ZC3H4: variants seen among roughly 807,000 people sequenced by gnomAD.
ZC3H4 encodes the protein zinc finger CCCH domain-containing protein 4.
ZC3H4 carries 13 observed loss-of-function variants against 108.3 expected under a neutral mutation model. The ratio of observed to expected loss-of-function variants is 0.12; its 90% confidence interval spans 0.08 to 0.19. ZC3H4 has a LOEUF of 0.19. Ranked by LOEUF, ZC3H4 falls within the 10% of genes least tolerant of loss-of-function variation. The probability of loss-of-function intolerance (pLI) is 1.00; values close to 1 mark genes in which losing one functional copy is unlikely to be tolerated. For missense variants in ZC3H4, 1,734 were observed against 1,838.8 expected, an observed-to-expected ratio of 0.94 and a Z score of 1.04; for synonymous variants, 917 against 749.6, an observed-to-expected ratio of 1.22 and a Z score of -3.65.
In ZC3H4 at chr19:47,088,694, T is replaced by A. The variant is rs185633455; in HGVS notation, c.715+1273A>T. Among the ~76,000 whole-genome samples, 938 of 152,202 alleles carry A rather than the reference T, an allele frequency of 6.2e-3. 4 individuals carry two copies. Among genetic ancestry groups the A allele is most frequent in the Non-Finnish European group, 6.8e-3 (465 of 68,000 alleles). On this transcript the variant is annotated intron_variant, in intron 5 of 14. Transcript: ENST00000253048. ...AAAAGAGTGATGGGATCTCGCTGTG[T>A]TGCCCAGGCTGGCCTCCAACTCCCG... is the stretch of plus-strand genomic sequence containing the variant.
At chr19:47,110,057 G>C (rs1474215574) in intron 2 of ZC3H4, among the ~76,000 whole-genome samples, 1 of 152,182 alleles carries the variant, frequency 6.6e-6, no homozygotes. Flanking sequence ...CAAAGGAGCA[G>C]TGGAGACAGG....
At chr19:47,107,657 GAA>G (rs1157842797) in intron 2 of ZC3H4, among the ~76,000 whole-genome samples, 5 of 90,252 alleles carry the variant, frequency 5.5e-5, no homozygotes, top group Non-Finnish European at 4.9e-5. Context: ...GTTCTGTTAA[GAA>G]AAAAAAAAAA....
At chr19:47,102,623 A>C (rs2057917626) in intron 2 of ZC3H4, among the ~76,000 whole-genome samples, 1 of 152,194 alleles carries the variant, frequency 6.6e-6, no homozygotes, top group African/African-American at 2.4e-5. Flanking sequence ...ATAAATGCTT[A>C]GGAGTAAAAC....
intron 6 of ZC3H4, among the ~76,000 whole-genome samples, chr19:47,085,817 A>C (rs1030596451): frequency 1.3e-5 from 2 of 152,006 alleles, no homozygotes; most frequent in Non-Finnish European, 2.9e-5. Flanking sequence ...CTTTCAGGAA[A>C]CTTCTCTCTA....
intron 5 of ZC3H4, among the ~76,000 whole-genome samples, chr19:47,088,160 G>A (rs557226113): frequency 5.9e-5 from 9 of 151,860 alleles, no homozygotes; most frequent in African/African-American, 1.4e-4. Flanking sequence ...GCAACAGAGC[G>A]AGACTCCATC....
chr19:47,107,646 C>T (rs1487536330), intron 2 of ZC3H4, among the ~76,000 whole-genome samples: 1 of 148,606 alleles, frequency 6.7e-6, no homozygotes. Flanking sequence ...AATAATCCTG[C>T]GTTCTGTTAA....
chr19:47,072,521 G>T lies in ZC3H4; in HGVS notation c.1633C>A (p.Pro545Thr). 8.2e-7 allele frequency: 1 copy of T among 1,215,070 alleles called. No homozygotes were observed. The highest frequency in any genetic ancestry group is 1.1e-6 in the Non-Finnish European group (1 of 876,416). 75.3% of individuals were successfully genotyped at this position (1,215,070 alleles called of 1,614,324 possible). Reference protein sequence around the residue: ...RPMQGGPPPPPPPPPPPPGPP... With the variant: ...RPMQGGPPPPTPPPPPPPGPP... ...CCGGGCGGTGGGGGAGGGGGAGGGGGCGGGGGCGGGGGGCCACCCTGCATG... is the reference window on the plus strand; with the variant it reads ...CCGGGCGGTGGGGGAGGGGGAGGGGTCGGGGGCGGGGGGCCACCCTGCATG... The change falls in exon 12 of 15, where the codon CCC becomes ACC. Residue 545 changes from proline to threonine, a missense_variant. Pro to Thr is a conservative substitution (Grantham distance 38). Coordinates refer to ENST00000253048, the MANE Select transcript of ZC3H4 (RefSeq NM_015168.2). The surrounding 1 kb of genome is among the most constrained non-coding windows in gnomAD (Gnocchi z 5.6).
At chr19:47,092,079 C>T (rs530028684) in intron 4 of ZC3H4, among the ~76,000 whole-genome samples, 2 of 151,898 alleles carry the variant, frequency 1.3e-5, no homozygotes, top group South Asian at 2.1e-4. Context: ...GCGTTATGGC[C>T]CATGGTTCCA....
rs374142045 is a variant in ZC3H4, at chr19:47,086,552, C to G, written c.716-14G>C. On this transcript the variant is annotated splice_polypyrimidine_tract_variant and intron_variant, in intron 5 of 14. Transcript: ENST00000253048. ...GGCCTCGGCTGCCTGCATGGAGATT[C>G]AGATAGTGAGCCTCCAGCAGGAGCA... 4.1e-5 allele frequency: 64 copies of G among 1,570,074 alleles called. No individual in the cohort carries two copies. The highest frequency in any genetic ancestry group is 1.8e-4 in the Admixed American group (9 of 50,726).
chr19:47,067,634 G>T lies in ZC3H4; in HGVS notation c.2634C>A (p.Gly878=). 1 of 1,604,262 alleles carries T rather than the reference G, an allele frequency of 6.2e-7. No homozygotes were observed. The change falls in exon 15 of 15, where the codon GGC becomes GGA. Residue 878 remains glycine (G), a synonymous_variant. Coordinates refer to ENST00000253048, the MANE Select transcript of ZC3H4 (RefSeq NM_015168.2). The surrounding 1 kb of genome is among the most constrained non-coding windows in gnomAD (Gnocchi z 6.4). ...PRLTRHVEAS[G]GSGPGDSGPS... ...GTCCCGAATCACCTGGGCCAGACCC[G>T]CCAGAAGCCTCCACATGGCGGGTGA...
chr19:47,082,809 C>T (rs1392820749), intron 9 of ZC3H4, among the ~76,000 whole-genome samples: 1 of 152,196 alleles, frequency 6.6e-6, no homozygotes, highest in Non-Finnish European at 1.5e-5. Flanking sequence ...CTACTGCCCA[C>T]CCAGCTCCAG....
At chr19:47,082,975 C>T (rs1195680335) in intron 9 of ZC3H4, among the ~76,000 whole-genome samples, 2 of 152,212 alleles carry the variant, frequency 1.3e-5, no homozygotes, top group East Asian at 1.9e-4. Context: ...AGGAATCACT[C>T]ACCATAACCG....
At chr19:47,112,271 A>C in intron 2 of ZC3H4, 153 bp downstream of exon 2, 1 of 1,111,010 alleles carries the variant, frequency 9.0e-7, no homozygotes, top group Non-Finnish European at 1.1e-6. Flanking sequence ...CGAGCGAGCA[A>C]GCGATCGAGA....
At chr19:47,110,383 G>A (rs561101335) in intron 2 of ZC3H4, among the ~76,000 whole-genome samples, 5 of 152,232 alleles carry the variant, frequency 3.3e-5, no homozygotes, top group Non-Finnish European at 7.3e-5. Flanking sequence ...GAAAACATAC[G>A]GGCCTTTTAC....
intron 2 of ZC3H4, chr19:47,110,979 G>A (rs2058031353): frequency 1.0e-6 from 1 of 956,014 alleles, no homozygotes; most frequent in South Asian, 4.8e-5. Flanking sequence ...AAGGGGAAAG[G>A]GGAGGTGGGA....
chr19:47,070,844 C>A (rs2057312745), intron 13 of ZC3H4, among the ~76,000 whole-genome samples: 1 of 152,210 alleles, frequency 6.6e-6, no homozygotes, highest in African/African-American at 2.4e-5. Context: ...CTCCTGCCCA[C>A]CTTGCAAAAC....
chr19:47,099,693 G>A (rs1218882945), intron 2 of ZC3H4, among the ~76,000 whole-genome samples: 2 of 152,164 alleles, frequency 1.3e-5, no homozygotes, highest in Middle Eastern at 3.4e-3. Flanking sequence ...GGAGAGCTGA[G>A]CCCCGGGAAG....
rs116422996 is a variant in ZC3H4 at position 47,066,291 on chromosome 19, A to G, written c.*65T>C. ...GCCTCCCCTTGCCCCCAAGTTCCCT[A>G]CCCTGGGTGCTGCCCTGAATGCCAC... On this transcript the variant is annotated 3_prime_UTR_variant, in exon 15 of 15. Coordinates refer to ENST00000253048, the MANE Select transcript of ZC3H4 (RefSeq NM_015168.2). 1.8e-3 allele frequency: 2,485 copies of G among 1,376,278 alleles called. 33 individuals carry two copies. In the African/African-American group the frequency reaches 0.033, roughly 18 times the overall value. 85.3% of individuals were successfully genotyped at this position (1,376,278 alleles called of 1,614,324 possible).
chr19:47,094,344 G>C, intron 3 of ZC3H4, 45 bp downstream of exon 3: 1 of 1,605,110 alleles, frequency 6.2e-7, no homozygotes, highest in Non-Finnish European at 8.5e-7. Flanking sequence ...CTCTCAGCCA[G>C]GCCCAATGCC....
Sources: allele counts gnomAD v4.1 joint callset (sites outside exome capture counted in the v4.1 genomes callset), GRCh38; gene constraint gnomAD v4.1.1; non-coding constraint Gnocchi (gnomAD v3.1); transcripts MANE v1.5; gene names NCBI Gene and HGNC (gene_info 2026-07-23, HGNC 2026-07-21).